Variants in PHKB observed in about 807,000 individuals in gnomAD.
The protein encoded by PHKB is phosphorylase kinase regulatory subunit beta.
PHKB carries 122 observed loss-of-function variants against 152.1 expected under a neutral mutation model. The observed-to-expected ratio is 0.80, with a 90% CI of 0.69 to 0.93. PHKB has a LOEUF of 0.93. Ranked by LOEUF, PHKB falls within the 40% of genes least tolerant of loss-of-function variation. PHKB has a pLI of 0.00. For synonymous variants in PHKB, 436 were observed against 464.9 expected (o/e 0.94, Z 0.80); for missense variants, 1,304 against 1,328.4 (o/e 0.98, Z 0.29).
In PHKB at chr16:47,693,503, C is replaced by A. The variant is rs1243767818; in HGVS notation, c.2891C>A (p.Pro964His). Residue 964 changes from proline (P) to histidine (H), a missense_variant, in exon 28 of 31, where the codon CCT (proline) becomes CAT (histidine). Pro to His is a moderately conservative substitution (Grantham distance 77). Transcript: ENST00000323584. ...ATCATTGTTGCTGGGAAGCATTTGC[C>A]TCAGGTAAAGCCCCACCATGTTCAC... is the stretch of plus-strand genomic sequence containing the variant. ...NGIIVAGKHL[P>H]QQPTLSDMTM... 6.2e-7 allele frequency: 1 copy of A among 1,613,900 alleles called. No individual in the cohort carries two copies. The highest frequency in any genetic ancestry group is 8.5e-7 in the Non-Finnish European group (1 of 1,179,988).
At chr16:47,537,890 C>CTG in intron 6 of PHKB, among the ~76,000 whole-genome samples, 1 of 149,378 alleles carries the variant, frequency 6.7e-6, no homozygotes. Flanking sequence ...CTCTCTCTCT[C>CTG]TCTCTCTCTC....
rs78722237 is a variant in PHKB at position 47,650,425 on chromosome 16, G to T, written c.1798-119G>T. On this transcript the variant is annotated intron_variant, in intron 18 of 30. Coordinates refer to ENST00000323584, the MANE Select transcript of PHKB (RefSeq NM_000293.3). ...CCCTAAGTAGTCTAAGTTATTCAGG[G>T]TTGGATTGTGAACTGTCTTGCTACA... The T allele has an allele frequency of 2.0e-3, 1,443 of 716,056 alleles. 4 individuals are homozygous for T. Among genetic ancestry groups the T allele is most frequent in the Non-Finnish European group, 2.7e-3 (1,072 of 391,400 alleles). 44.4% of individuals were successfully genotyped at this position (716,056 alleles called of 1,614,324 possible).
At chr16:47,630,174 A>T (rs565841485) in intron 14 of PHKB, among the ~76,000 whole-genome samples, 58 of 150,690 alleles carry the variant, frequency 3.8e-4, no homozygotes, top group African/African-American at 1.3e-3. Flanking sequence ...TAAAGTATAT[A>T]AAAAAAAAGA....
Position 47,596,447 on chromosome 16 carries a change from C to A in PHKB, c.1279C>A (p.Gln427Lys), listed in dbSNP as rs376806625. 2 of 1,613,320 alleles carry A rather than the reference C, an allele frequency of 1.2e-6. No individual in the cohort carries two copies. The highest frequency in any genetic ancestry group is 1.1e-5 in the South Asian group (1 of 91,074). ...ATATGAAAAAAATAACCCTGGTAGT[C>A]AAAAACGATTTCCTAGCAACTGTGG... The part of the protein sequence containing the change: ...VEYEKNNPGS[Q>K]KRFPSNCGRD... Residue 427 changes from glutamine to lysine, a missense_variant, in exon 13 of 31, where the codon CAA becomes AAA. Coordinates refer to ENST00000323584, the MANE Select transcript of PHKB (RefSeq NM_000293.3).
At chr16:47,553,329 T>G (rs1971307829) in intron 7 of PHKB, among the ~76,000 whole-genome samples, 1 of 152,042 alleles carries the variant, frequency 6.6e-6, no homozygotes, top group South Asian at 2.1e-4. Flanking sequence ...TCGATTCGGC[T>G]CTTGATAACG....
At chr16:47,627,351 A>G (rs1185247195) in intron 14 of PHKB, among the ~76,000 whole-genome samples, 1 of 152,242 alleles carries the variant, frequency 6.6e-6, no homozygotes, top group Non-Finnish European at 1.5e-5. Context: ...GACTGTTAGC[A>G]CTGTCATTTC....
At chr16:47,471,475 C>A (rs1056159560) in intron 1 of PHKB, among the ~76,000 whole-genome samples, 1 of 152,148 alleles carries the variant, frequency 6.6e-6, no homozygotes, top group Non-Finnish European at 1.5e-5. Context: ...AGGCGGGGAG[C>A]AACCTCATGG....
chr16:47,639,538 C>T (rs1972980197), intron 14 of PHKB, among the ~76,000 whole-genome samples: 1 of 152,156 alleles, frequency 6.6e-6, no homozygotes, highest in Non-Finnish European at 1.5e-5. Context: ...AAGAGCTCTT[C>T]AGCCATCTGA....
At chr16:47,637,434 G>A (rs1025494548) in intron 14 of PHKB, among the ~76,000 whole-genome samples, 5 of 152,154 alleles carry the variant, frequency 3.3e-5, no homozygotes, top group African/African-American at 1.2e-4. Context: ...CAGCCTACAG[G>A]CCAAGTGGGT....
At chr16:47,511,572 C>G (rs894658032) in intron 4 of PHKB, 93 bp from the exon 5 acceptor site, 1 of 905,100 alleles carries the variant, frequency 1.1e-6, no homozygotes, top group Non-Finnish European at 1.8e-6. Flanking sequence ...TAGCTTTGTT[C>G]ATTAAAAAGT....
chr16:47,658,634 G>A (rs1973381693), intron 20 of PHKB, among the ~76,000 whole-genome samples: 1 of 152,112 alleles, frequency 6.6e-6, no homozygotes, highest in Non-Finnish European at 1.5e-5. Flanking sequence ...GTTGCCTACA[G>A]TATTCAGTAC....
At chr16:47,504,743 T>C (rs1156437207) in intron 4 of PHKB, among the ~76,000 whole-genome samples, 1 of 152,228 alleles carries the variant, frequency 6.6e-6, no homozygotes, top group East Asian at 1.9e-4. Flanking sequence ...AAGAAATAAC[T>C]CATGTGAGTG....
Position 47,591,184 on chromosome 16 carries a change from G to A in PHKB, c.1068+2082G>A, listed in dbSNP as rs142591411. 3.9e-3 allele frequency among the ~76,000 whole-genome samples: 591 copies of A among 151,116 alleles called. 5 individuals carry two copies. The highest frequency in any genetic ancestry group is 0.014 in the African/African-American group (562 of 41,094). On this transcript the variant is annotated intron_variant, in intron 10 of 30. Transcript: ENST00000323584. ...TCCCCAACTTAAATTAGCTTTTTTC[G>A]TCATTAAGCACATTGATGTTTATCA... is the stretch of plus-strand genomic sequence containing the variant.
At chr16:47,650,762 C>G in intron 19 of PHKB, 69 bp from the exon 20 acceptor site, 1 of 1,310,558 alleles carries the variant, frequency 7.6e-7, no homozygotes, top group Non-Finnish European at 1.1e-6. Context: ...ATAAGGGGCA[C>G]TTAGTATTAG....
At chr16:47,568,475 C>A (rs564215885) in intron 7 of PHKB, among the ~76,000 whole-genome samples, 1 of 152,216 alleles carries the variant, frequency 6.6e-6, no homozygotes, top group East Asian at 1.9e-4. Flanking sequence ...TTTCAAAGAA[C>A]CAACCTGTTG....
chr16:47,660,493 G>T lies in PHKB; in HGVS notation c.1972-13G>T. 6.2e-7 allele frequency: 1 copy of T among 1,609,016 alleles called. No homozygotes were observed. Among genetic ancestry groups the T allele is most frequent in the South Asian group, 1.1e-5 (1 of 90,938 alleles). ...TATCTAAGAGTTTCTAATCTTTTTC[G>T]ATCACGTTTCAGACACTAATATCTG... On this transcript the variant is annotated splice_polypyrimidine_tract_variant and intron_variant, in intron 20 of 30. Transcript: ENST00000323584.
intron 26 of PHKB, among the ~76,000 whole-genome samples, chr16:47,671,811 G>A (rs1032821038): frequency 1.3e-5 from 2 of 152,150 alleles, no homozygotes; most frequent in Non-Finnish European, 1.5e-5. Flanking sequence ...GTAGGAAATA[G>A]TTTGAATAAA....
intron 6 of PHKB, among the ~76,000 whole-genome samples, chr16:47,520,995 G>T (rs1471749894): frequency 1.3e-5 from 2 of 151,828 alleles, no homozygotes; most frequent in Non-Finnish European, 1.5e-5. Context: ...AGTTCTTCCT[G>T]CATATTTTAT....
intron 4 of PHKB, among the ~76,000 whole-genome samples, chr16:47,504,073 C>T (rs1443026775): frequency 1.3e-5 from 2 of 152,110 alleles, no homozygotes; most frequent in Non-Finnish European, 2.9e-5. Context: ...ACTCACATGA[C>T]TCATCAGATA....
Sources: allele counts gnomAD v4.1 joint callset (sites outside exome capture counted in the v4.1 genomes callset), GRCh38; gene constraint gnomAD v4.1.1; transcripts MANE v1.5; gene names NCBI Gene and HGNC (gene_info 2026-07-23, HGNC 2026-07-21).